Variants in KYAT3 observed in about 807,000 individuals in gnomAD.
KYAT3 encodes the protein kynurenine aminotransferase 3, also known as kynurenine--oxoglutarate transaminase 3.
A neutral mutation model predicts 59.0 loss-of-function variants in KYAT3; 50 were observed. The ratio of observed to expected loss-of-function variants is 0.85; its 90% CI spans 0.68 to 1.07. The LOEUF is 1.07. KYAT3 is among the 50% of genes least tolerant of loss of function. The pLI, the probability that KYAT3 is intolerant of heterozygous loss-of-function variation, is 0.00. For missense variants in KYAT3, 497 were observed against 533.3 expected, an observed-to-expected ratio of 0.93 and a Z score of 0.67; for synonymous variants, 148 against 177.0, an observed-to-expected ratio of 0.84 and a Z score of 1.30.
At chr1:88,960,703 A>G (rs1676105444) in intron 8 of KYAT3, among the ~76,000 whole-genome samples, 1 of 152,196 alleles carries the variant, frequency 6.6e-6, no homozygotes, top group Non-Finnish European at 1.5e-5. Context: ...CCCAGCAGAC[A>G]GTACGGCATT....
chr1:88,984,029 T>A (rs999302751), intron 2 of KYAT3: 2 of 488,820 alleles, frequency 4.1e-6, no homozygotes, highest in Non-Finnish European at 3.9e-6. Context: ...ATTACTTTCT[T>A]TTGCCACTAG....
At chr1:88,985,298 G>A (rs58457222) in intron 2 of KYAT3, among the ~76,000 whole-genome samples, 7,885 of 152,216 alleles carry the variant, frequency 0.052, 719 homozygotes, top group African/African-American at 0.18. Flanking sequence ...CCTACACTGT[G>A]TAATCTCAGC....
intron 1 of KYAT3, among the ~76,000 whole-genome samples, chr1:88,990,081 G>A (rs544858946): frequency 1.2e-4 from 18 of 152,068 alleles, no homozygotes; most frequent in South Asian, 4.2e-4. Context: ...AGCAGATTGC[G>A]CTCTCTACTT....
chr1:88,921,786 G>T, the KYAT3 span, among the ~76,000 whole-genome samples: 1 of 152,190 alleles, frequency 6.6e-6, no homozygotes, highest in Non-Finnish European at 1.5e-5. Flanking sequence ...CAACATTGTA[G>T]TTCAAGTCTG....
In KYAT3 at chr1:88,983,586, C is replaced by T; in HGVS notation, c.99+4666G>A. 4 of 1,614,204 alleles carry T rather than the reference C, an allele frequency of 2.5e-6. 1 individual carries two copies. The South Asian group carries it at 4.4e-5, about 18-fold the overall frequency. On this transcript the variant is annotated intron_variant, in intron 2 of 13. Coordinates refer to ENST00000260508, the MANE Select transcript of KYAT3 (RefSeq NM_001008661.3). ...AATGATGGTTTGGTGGCTTGTTCCACCTTGATGGCTTTTCCATCTAATGAC... is the reference window on the plus strand; with the variant it reads ...AATGATGGTTTGGTGGCTTGTTCCATCTTGATGGCTTTTCCATCTAATGAC...
intron 2 of KYAT3, among the ~76,000 whole-genome samples, chr1:88,973,482 T>C (rs560552114): frequency 6.6e-6 from 1 of 152,244 alleles, no homozygotes; most frequent in African/African-American, 2.4e-5. Context: ...AAAATCAACC[T>C]AGAATCCTAC....
At chr1:88,988,384 TAA>T in intron 1 of KYAT3, 33 bp from the exon 2 acceptor site, 1 of 1,289,958 alleles carries the variant, frequency 7.8e-7, no homozygotes, top group Non-Finnish European at 1.1e-6. Context: ...AGAAGAGGAA[TAA>T]ATATATGATG....
chr1:88,975,756 C>T (rs531186495), intron 2 of KYAT3, among the ~76,000 whole-genome samples: 3 of 152,220 alleles, frequency 2.0e-5, no homozygotes, highest in South Asian at 2.1e-4. Flanking sequence ...TGGAGCAGGC[C>T]GAGCATGGTG....
At chr1:88,971,773 G>T (rs1203714030) in intron 2 of KYAT3, among the ~76,000 whole-genome samples, 1 of 152,010 alleles carries the variant, frequency 6.6e-6, no homozygotes, top group East Asian at 1.9e-4. Flanking sequence ...TCTCAAATTC[G>T]ACTTCATTCC....
intron 6 of KYAT3, 88 bp from the exon 7 acceptor site, chr1:88,961,594 T>C: frequency 8.7e-7 from 1 of 1,145,336 alleles, no homozygotes; most frequent in Non-Finnish European, 1.2e-6. Flanking sequence ...GAAAAAAACA[T>C]CAAAGAAAGT....
At chr1:88,961,608 G>A (rs111715083) in intron 6 of KYAT3, 102 bp from the exon 7 acceptor site, 1 of 1,029,792 alleles carries the variant, frequency 9.7e-7, no homozygotes, top group Non-Finnish European at 1.4e-6. Flanking sequence ...AGAAAGTCAT[G>A]GCAAAGGAAA....
chr1:88,942,209 A>G lies in KYAT3; in HGVS notation c.1302+796T>C, dbSNP rs116327059. 9.9e-3 allele frequency among the ~76,000 whole-genome samples: 1,505 copies of G among 151,752 alleles called. 28 individuals carry two copies. Among genetic ancestry groups the G allele is most frequent in the African/African-American group, 0.035 (1,455 of 41,426 alleles). Reference sequence around the variant, plus strand: ...ACATCTTCAGTACTCTCTTAGCACCATAAGTATTTCATAGCAGATATTAGA... The same window carrying G: ...ACATCTTCAGTACTCTCTTAGCACCGTAAGTATTTCATAGCAGATATTAGA... On this transcript the variant is annotated intron_variant, in intron 13 of 13. Transcript: ENST00000260508.
chr1:88,929,055 A>G, the KYAT3 span, among the ~76,000 whole-genome samples: 1 of 152,070 alleles, frequency 6.6e-6, no homozygotes, highest in South Asian at 2.1e-4. Flanking sequence ...GGGCAAGAGA[A>G]GGACAATATG....
At chr1:88,952,649 C>T (rs1675726923) in intron 10 of KYAT3, among the ~76,000 whole-genome samples, 1 of 152,160 alleles carries the variant, frequency 6.6e-6, no homozygotes, top group Admixed American at 6.5e-5. Flanking sequence ...CCTGTAGAAC[C>T]ATGAGCCAAG....
intron 2 of KYAT3, among the ~76,000 whole-genome samples, chr1:88,973,114 C>T (rs976992030): frequency 1.3e-5 from 2 of 152,138 alleles, no homozygotes; most frequent in African/African-American, 4.8e-5. Flanking sequence ...AAGATGAAGG[C>T]ACAGACTAAG....
intron 9 of KYAT3, among the ~76,000 whole-genome samples, chr1:88,954,150 G>A (rs751628513): frequency 6.6e-6 from 1 of 151,856 alleles, no homozygotes; most frequent in Non-Finnish European, 1.5e-5. Context: ...TACCCGCCTC[G>A]GCCTCCCAAA....
In KYAT3 at chr1:88,939,498, G is replaced by A. The variant is rs77369546; in HGVS notation, c.1303-3253C>T. 7.0e-4 allele frequency among the ~76,000 whole-genome samples: 107 copies of A among 152,176 alleles called. 1 individual carries two copies. The East Asian group carries it at 0.018, about 26-fold the overall frequency. ...TGGAGGCCTTGATCTTACTGTCTAG[G>A]TGACCAAAGGAATTGTCTTTGAAGC... is the stretch of plus-strand genomic sequence containing the variant. On this transcript the variant is annotated intron_variant, in intron 13 of 13. Coordinates refer to ENST00000260508, the MANE Select transcript of KYAT3 (RefSeq NM_001008661.3).
intron 9 of KYAT3, among the ~76,000 whole-genome samples, chr1:88,954,379 T>C (rs1259913809): frequency 5.3e-5 from 8 of 152,250 alleles, no homozygotes; most frequent in Non-Finnish European, 8.8e-5. Flanking sequence ...TTAACTTCTC[T>C]GTGCTTTAGC....
chr1:88,966,835 CT>C (rs1431407207), intron 4 of KYAT3, among the ~76,000 whole-genome samples: 1 of 152,002 alleles, frequency 6.6e-6, no homozygotes, highest in Non-Finnish European at 1.5e-5. Context: ...TCATAGATTC[CT>C]TTTATCAGAG....
Sources: allele counts gnomAD v4.1 joint callset (sites outside exome capture counted in the v4.1 genomes callset), GRCh38; gene constraint gnomAD v4.1.1; transcripts MANE v1.5; gene names NCBI Gene and HGNC (gene_info 2026-07-23, HGNC 2026-07-21).